The following ASTN2 variants were observed in gnomAD, a reference collection of about 807,000 sequenced individuals.
ASTN2 encodes astrotactin-2.
ASTN2 carries 54 observed loss-of-function variants against 139.8 expected under a neutral mutation model. The ratio of observed to expected loss-of-function variants is 0.39; its 90% CI spans 0.31 to 0.48. The LOEUF (loss-of-function observed/expected upper bound fraction) is 0.48. Among genes scored for constraint, ASTN2 ranks in the 20% least tolerant of loss-of-function variants. ASTN2 has a pLI of 0.95. For missense variants in ASTN2, 1,565 were observed against 1,725.1 expected (o/e 0.91, Z 1.64); for synonymous variants, 756 against 719.5 (o/e 1.05, Z -0.81).
intron 14 of ASTN2, among the ~76,000 whole-genome samples, chr9:116,729,747 T>C (rs1210872696): frequency 1.3e-5 from 2 of 152,194 alleles, no homozygotes; most frequent in Non-Finnish European, 2.9e-5. Context: ...AATATACGTA[T>C]ACAGAAATAA....
chr9:116,622,920 G>T (rs560835827), intron 17 of ASTN2, among the ~76,000 whole-genome samples: 1 of 152,178 alleles, frequency 6.6e-6, no homozygotes, highest in Non-Finnish European at 1.5e-5. Flanking sequence ...AACCAGATGC[G>T]ACTGCATGAG....
At chr9:117,344,979 C>T (rs1224273307) in intron 1 of ASTN2, among the ~76,000 whole-genome samples, 2 of 151,994 alleles carry the variant, frequency 1.3e-5, no homozygotes, top group Non-Finnish European at 2.9e-5. Context: ...GAGTGGGGAA[C>T]GTTTTTCTCC....
intron 16 of ASTN2, chr9:116,697,559 G>A (rs1189989192): frequency 1.3e-6 from 1 of 744,640 alleles, no homozygotes; most frequent in Non-Finnish European, 2.2e-6. Context: ...GTTAAGTAAG[G>A]GAATGACTGA....
chr9:116,573,753 T>G (rs1172375902), intron 19 of ASTN2, among the ~76,000 whole-genome samples: 1 of 152,116 alleles, frequency 6.6e-6, no homozygotes, highest in African/African-American at 2.4e-5. Context: ...CTCAGAGAAG[T>G]GAAGTGGTTT....
chr9:116,724,009 C>G (rs1360411447), intron 16 of ASTN2, among the ~76,000 whole-genome samples: 1 of 152,120 alleles, frequency 6.6e-6, no homozygotes, highest in African/African-American at 2.4e-5. Context: ...ATCCACCATA[C>G]AAGGAATGGG....
chr9:116,948,957 A>T (rs1217686310), intron 10 of ASTN2, among the ~76,000 whole-genome samples: 1 of 151,176 alleles, frequency 6.6e-6, no homozygotes, highest in Non-Finnish European at 1.5e-5. Flanking sequence ...ACCATTGGCT[A>T]ATTTTTTATT....
At chr9:116,441,145 T>G (rs1039129170) in intron 21 of ASTN2, among the ~76,000 whole-genome samples, 1 of 152,146 alleles carries the variant, frequency 6.6e-6, no homozygotes, top group Non-Finnish European at 1.5e-5. Context: ...TTAAATAAAT[T>G]GTCTTGGATA....
intron 1 of ASTN2, among the ~76,000 whole-genome samples, chr9:117,317,697 G>A (rs1828187515): frequency 6.6e-6 from 1 of 152,134 alleles, no homozygotes; most frequent in Admixed American, 6.5e-5. Flanking sequence ...TCTCCTGGGA[G>A]GAACCACACT....
chr9:116,660,037 A>G (rs570646586), intron 16 of ASTN2, among the ~76,000 whole-genome samples: 2 of 152,266 alleles, frequency 1.3e-5, no homozygotes, highest in African/African-American at 4.8e-5. Flanking sequence ...CTACAATTAA[A>G]CAATTAACTA....
At chr9:117,194,642 C>G (rs538102671) in intron 3 of ASTN2, among the ~76,000 whole-genome samples, 2 of 152,274 alleles carry the variant, frequency 1.3e-5, no homozygotes, top group African/African-American at 4.8e-5. Context: ...TTGCTGACAT[C>G]TAAGCTAATG....
chr9:117,292,795 C>A (rs150715643), intron 1 of ASTN2, among the ~76,000 whole-genome samples: 17 of 152,216 alleles, frequency 1.1e-4, no homozygotes, highest in African/African-American at 4.1e-4. Flanking sequence ...CCCACTGCAG[C>A]ACCCATCATA....
intron 11 of ASTN2, among the ~76,000 whole-genome samples, chr9:116,841,804 A>G (rs1832270539): frequency 3.3e-5 from 5 of 152,204 alleles, no homozygotes. Flanking sequence ...TGCTCACTAA[A>G]TGCTAACTGC....
chr9:116,756,105 T>A (rs1411458832), intron 13 of ASTN2, among the ~76,000 whole-genome samples: 1 of 152,240 alleles, frequency 6.6e-6, no homozygotes, highest in Non-Finnish European at 1.5e-5. Context: ...CTTTTTCAGA[T>A]AAATATTGTT....
At chr9:117,086,370 C>T (rs1587947283) in intron 5 of ASTN2, among the ~76,000 whole-genome samples, 1 of 152,074 alleles carries the variant, frequency 6.6e-6, no homozygotes, top group African/African-American at 2.4e-5. Context: ...GTCATGAAAT[C>T]GAGACCATCC....
chr9:116,923,475 C>T (rs892319851), intron 10 of ASTN2, among the ~76,000 whole-genome samples: 1 of 152,194 alleles, frequency 6.6e-6, no homozygotes, highest in Non-Finnish European at 1.5e-5. Context: ...AACCAGACTT[C>T]TGCCTTAGGC....
intron 2 of ASTN2, among the ~76,000 whole-genome samples, chr9:117,289,367 G>A (rs1333992063): frequency 1.3e-5 from 2 of 152,160 alleles, no homozygotes; most frequent in African/African-American, 2.4e-5. Flanking sequence ...CTGGGTCTTA[G>A]TGAGTTATTA....
intron 20 of ASTN2, among the ~76,000 whole-genome samples, chr9:116,469,039 G>A (rs895952472): frequency 3.9e-5 from 6 of 152,050 alleles, no homozygotes; most frequent in East Asian, 3.9e-4. Context: ...GCATTCTCTC[G>A]TCTGAACTCT....
In ASTN2 at chr9:117,414,944, G is replaced by A; in HGVS notation, c.-6C>T. On this transcript the variant is annotated 5_prime_UTR_variant, in exon 1 of 23. Transcript: ENST00000313400. The surrounding 1 kb of genome is among the most constrained non-coding windows in gnomAD (Gnocchi z 4.2). ...CGGGCGCCGGCGGCGGCCATGGCGG[G>A]AGGGGCTGCGGTGCTGCGGGCGGCG... is the stretch of plus-strand genomic sequence containing the variant. 1 of 310,014 alleles carries A rather than the reference G, an allele frequency of 3.2e-6. No individual in the cohort carries two copies. The highest frequency in any genetic ancestry group is 5.1e-6 in the Non-Finnish European group (1 of 197,920). 19.2% of individuals were successfully genotyped at this position (310,014 alleles called of 1,614,324 possible). A position where few individuals can be genotyped will look rare whatever the true frequency, so the allele number is the denominator to read the frequency against.
chr9:116,589,063 T>C (rs1343193582), intron 19 of ASTN2, among the ~76,000 whole-genome samples: 1 of 152,194 alleles, frequency 6.6e-6, no homozygotes, highest in Admixed American at 6.5e-5. Flanking sequence ...GTGTTTAATA[T>C]GTCCAACAAG....
Sources: gnomAD v4.1 joint callset for allele counts (sites outside exome capture counted in the v4.1 genomes callset) on GRCh38, gnomAD v4.1.1 for gene constraint, Gnocchi (gnomAD v3.1) non-coding constraint, MANE v1.5 for transcripts, NCBI Gene and HGNC (gene_info 2026-07-23, HGNC 2026-07-21) for gene names.